The following IL15 variants were observed in gnomAD, a reference collection of about 807,000 sequenced individuals.
IL15 encodes interleukin-15.
Under a neutral mutation model 19.6 loss-of-function variants are expected in IL15, and 11 were observed. The ratio of observed to expected loss-of-function variants is 0.56; its 90% confidence interval spans 0.35 to 0.93. IL15 has a LOEUF of 0.93. Ranked by LOEUF, IL15 falls within the 40% of genes least tolerant of loss-of-function variation. The pLI, the probability that IL15 is intolerant of heterozygous loss-of-function variation, is 0.01. For synonymous variants in IL15, 58 were observed against 59.6 expected, an observed-to-expected ratio of 0.97 and a Z score of 0.12; for missense variants, 197 against 186.5, an observed-to-expected ratio of 1.06 and a Z score of -0.33.
Position 141,732,844 on chromosome 4 carries a change from C to A in IL15, c.485C>A (p.Ser162Tyr). The stretch of plus-strand genomic sequence containing the variant: ...ATTGTCCAAATGTTCATCAACACTT[C>A]TTGATTGCAATTGATTCTTTTTAAA... ...VHIVQMFINT[S>Y] The change falls in exon 8 of 8, where the codon TCT (serine) becomes TAT (tyrosine). Residue 162 changes from serine to tyrosine, a missense_variant. By Grantham distance (144) the Ser-to-Tyr change is moderately radical (BLOSUM62 -2). Transcript: ENST00000320650. 6.2e-7 allele frequency: 1 copy of A among 1,606,462 alleles called. No individual in the cohort carries two copies. Among genetic ancestry groups the A allele is most frequent in the South Asian group, 1.1e-5 (1 of 88,734 alleles).
In IL15 at chr4:141,733,831, A is replaced by G. The variant is rs990547638; in HGVS notation, c.*983A>G. The G allele has an allele frequency of 6.6e-6, 1 of 152,202 alleles. No individual in the cohort carries two copies. Among genetic ancestry groups the G allele is most frequent in the Non-Finnish European group, 1.5e-5 (1 of 68,036 alleles). 9.4% of individuals were successfully genotyped at this position (152,202 alleles called of 1,614,324 possible). ...TTGCCATGTTTATATAATAATAAAGAAAAACCCTGTTGATTTGTTGGAGCC... is the reference window on the plus strand; with the variant it reads ...TTGCCATGTTTATATAATAATAAAGGAAAACCCTGTTGATTTGTTGGAGCC... On this transcript the variant is annotated 3_prime_UTR_variant, in exon 8 of 8. Transcript: ENST00000320650.
chr4:141,707,793 A>G (rs1729574636), intron 2 of IL15, among the ~76,000 whole-genome samples: 1 of 152,170 alleles, frequency 6.6e-6, no homozygotes, highest in Admixed American at 6.5e-5. Flanking sequence ...GAGAGCTGAC[A>G]AGCTGTCTGG....
At chr4:141,640,448 C>T (rs1727004359) in intron 1 of IL15, among the ~76,000 whole-genome samples, 1 of 152,158 alleles carries the variant, frequency 6.6e-6, no homozygotes, top group Non-Finnish European at 1.5e-5. Flanking sequence ...TAAGAAAACT[C>T]AGGTGTTCAG....
intron 1 of IL15, among the ~76,000 whole-genome samples, chr4:141,654,106 G>A (rs1003391626): frequency 6.6e-6 from 1 of 152,202 alleles, no homozygotes; most frequent in Non-Finnish European, 1.5e-5. Context: ...ACTGGGGCAT[G>A]TTCTAAGGAA....
At chr4:141,640,757 C>T (rs575842719) in intron 1 of IL15, among the ~76,000 whole-genome samples, 4 of 152,180 alleles carry the variant, frequency 2.6e-5, no homozygotes, top group African/African-American at 7.2e-5. Context: ...CTATGTAGAC[C>T]GTATAAAAAT....
At chr4:141,707,041 T>C (rs983784223) in intron 2 of IL15, among the ~76,000 whole-genome samples, 2 of 152,212 alleles carry the variant, frequency 1.3e-5, no homozygotes, top group Non-Finnish European at 2.9e-5. Context: ...TCCTATAATG[T>C]GAATATTTGT....
At chr4:141,684,020 G>A (rs1728628590) in intron 2 of IL15, among the ~76,000 whole-genome samples, 1 of 152,120 alleles carries the variant, frequency 6.6e-6, no homozygotes, top group African/African-American at 2.4e-5. Flanking sequence ...ATACACTTAT[G>A]GAAGCAACAG....
intron 2 of IL15, among the ~76,000 whole-genome samples, chr4:141,694,456 A>T (rs1457191453): frequency 6.6e-6 from 1 of 152,206 alleles, no homozygotes; most frequent in Non-Finnish European, 1.5e-5. Context: ...GGTGAGCTTA[A>T]CCAGGTCAGA....
At chr4:141,663,331 T>C (rs1294466154) in intron 2 of IL15, among the ~76,000 whole-genome samples, 5 of 152,316 alleles carry the variant, frequency 3.3e-5, no homozygotes, top group East Asian at 3.9e-4. Context: ...ATTATAAAGG[T>C]CACAGCCTAC....
chr4:141,707,203 A>G (rs1461581238), intron 2 of IL15, among the ~76,000 whole-genome samples: 2 of 151,840 alleles, frequency 1.3e-5, no homozygotes, highest in Admixed American at 6.6e-5. Context: ...TAAAAATTTC[A>G]CTTGTATTTT....
chr4:141,642,521 A>T (rs1158934943), intron 1 of IL15, among the ~76,000 whole-genome samples: 1 of 152,166 alleles, frequency 6.6e-6, no homozygotes, highest in Non-Finnish European at 1.5e-5. Context: ...AGGGAGTAGG[A>T]TGGGGAGCAG....
intron 2 of IL15, among the ~76,000 whole-genome samples, chr4:141,695,807 G>A (rs1048786024): frequency 2.0e-5 from 3 of 151,938 alleles, no homozygotes; most frequent in African/African-American, 7.2e-5. Flanking sequence ...TCAAATTTGA[G>A]TTGTTTAAAT....
In IL15 at chr4:141,675,092, T is replaced by C. The variant is rs572693021; in HGVS notation, c.-100+18785T>C. Among the ~76,000 whole-genome samples the C allele has an allele frequency of 6.6e-5, 10 of 152,142 alleles. No individual in the cohort carries two copies. In the East Asian group the frequency reaches 1.9e-3, roughly 29 times the overall value. On this transcript the variant is annotated intron_variant, in intron 2 of 7. Transcript: ENST00000320650. ...CATGGGTTTCAGCTGCAGGTCCACT[T>C]ATACCCATTTTTTAAAAATAATTAT... is the stretch of plus-strand genomic sequence containing the variant.
chr4:141,637,996 C>T lies in IL15; in HGVS notation c.-222+1248C>T, dbSNP rs756980230. On this transcript the variant is annotated intron_variant, in intron 1 of 7. Coordinates refer to ENST00000320650, the MANE Select transcript of IL15 (RefSeq NM_000585.5). Reference sequence around the variant, plus strand: ...ACAATACACTTTTGGAAGGCCGAGGCGAGAGGATAGCTTGAGACCAGGAGT... The same window carrying T: ...ACAATACACTTTTGGAAGGCCGAGGTGAGAGGATAGCTTGAGACCAGGAGT... 4.6e-5 allele frequency among the ~76,000 whole-genome samples: 7 copies of T among 151,986 alleles called. No individual in the cohort carries two copies. In the East Asian group the frequency reaches 5.8e-4, roughly 13 times the overall value.
chr4:141,657,899 G>A (rs1051799506), intron 2 of IL15, among the ~76,000 whole-genome samples: 1 of 152,120 alleles, frequency 6.6e-6, no homozygotes, highest in Non-Finnish European at 1.5e-5. Flanking sequence ...ACATAAACCA[G>A]CAACATAGTT....
chr4:141,673,453 A>G (rs901482318), intron 2 of IL15, among the ~76,000 whole-genome samples: 4 of 152,214 alleles, frequency 2.6e-5, no homozygotes, highest in African/African-American at 9.6e-5. Context: ...CAAATCAAAT[A>G]TCTCAATTAT....
At chr4:141,672,442 C>T (rs1160667686) in intron 2 of IL15, among the ~76,000 whole-genome samples, 1 of 152,148 alleles carries the variant, frequency 6.6e-6, no homozygotes, top group Non-Finnish European at 1.5e-5. Context: ...CAAGTAGTTT[C>T]AATATCATTT....
intron 2 of IL15, among the ~76,000 whole-genome samples, chr4:141,690,290 G>T (rs150506834): frequency 1.3e-5 from 2 of 152,106 alleles, no homozygotes; most frequent in African/African-American, 4.8e-5. Flanking sequence ...CTTGGCCAGC[G>T]CAGAAAGGGG....
intron 2 of IL15, among the ~76,000 whole-genome samples, chr4:141,710,074 G>A (rs988412905): frequency 5.3e-5 from 8 of 152,168 alleles, no homozygotes; most frequent in Non-Finnish European, 1.2e-4. Context: ...CTGCTGCAAA[G>A]GATATGATTT....
Sources: allele counts gnomAD v4.1 joint callset (sites outside exome capture counted in the v4.1 genomes callset), GRCh38; gene constraint gnomAD v4.1.1; transcripts MANE v1.5; gene names NCBI Gene and HGNC (gene_info 2026-07-23, HGNC 2026-07-21).